EDA: variants seen among roughly 807,000 people sequenced by gnomAD.
The protein encoded by EDA is ectodysplasin-A.
Under a neutral mutation model 23.6 loss-of-function variants are expected in EDA, and 2 were observed. That is an observed-to-expected ratio of 0.08 (90% CI 0.03 to 0.27). The LOEUF is 0.27. Ranked by LOEUF, EDA falls within the 10% of genes least tolerant of loss-of-function variation. The pLI is 1.00. For missense variants in EDA, 229 were observed against 324.2 expected, an observed-to-expected ratio of 0.71 and a Z score of 2.26; for synonymous variants, 131 against 132.0, an observed-to-expected ratio of 0.99 and a Z score of 0.05.
chrX:69,764,234 CTTTTTTTTTT>C (rs1189179243), intron 1 of EDA, among the ~76,000 whole-genome samples: 1 of 44,570 alleles, frequency 2.2e-5, no homozygotes. Flanking sequence ...ATTTTTTATT[CTTTTTTTTTT>C]TTTTTTTTTT....
intron 1 of EDA, among the ~76,000 whole-genome samples, chrX:69,916,753 T>C (rs1282322456): frequency 1.8e-5 from 2 of 110,345 alleles, no homozygotes; most frequent in Non-Finnish European, 3.8e-5. Context: ...AGAAGCACTG[T>C]GTGAAAGTAC....
intron 1 of EDA, among the ~76,000 whole-genome samples, chrX:69,789,327 T>C (rs1378997275): frequency 8.9e-6 from 1 of 112,342 alleles, no homozygotes; most frequent in Non-Finnish European, 1.9e-5. Context: ...CCAGAAGAGA[T>C]GTTTTGTGAG....
chrX:69,970,142 A>G (rs1411205512), intron 2 of EDA, among the ~76,000 whole-genome samples: 1 of 112,277 alleles, frequency 8.9e-6, no homozygotes, highest in Non-Finnish European at 1.9e-5. Context: ...TTCAGTTGAT[A>G]TCAAGTTTCT....
At chrX:69,771,923 T>G (rs2014650585) in intron 1 of EDA, among the ~76,000 whole-genome samples, 1 of 112,132 alleles carries the variant, frequency 8.9e-6, no homozygotes, top group Non-Finnish European at 1.9e-5. Context: ...AGATTTTTCA[T>G]GAATTAGTGT....
At chrX:70,011,063 T>C (rs1454224205) in intron 2 of EDA, among the ~76,000 whole-genome samples, 1 of 111,846 alleles carries the variant, frequency 8.9e-6, no homozygotes, top group Non-Finnish European at 1.9e-5. Flanking sequence ...TTTTTTTGGC[T>C]TCCACTTTTT....
chrX:69,959,671 A>G (rs2019071195), intron 2 of EDA, among the ~76,000 whole-genome samples: 1 of 111,552 alleles, frequency 9.0e-6, no homozygotes, highest in Non-Finnish European at 1.9e-5. Flanking sequence ...AAAGTGATTT[A>G]CTTCCAGCAT....
At chrX:69,989,723 A>G (rs1569395323) in intron 2 of EDA, among the ~76,000 whole-genome samples, 1 of 111,314 alleles carries the variant, frequency 9.0e-6, no homozygotes, top group Non-Finnish European at 1.9e-5. Context: ...AATAACTGCA[A>G]TTTTAAAAGT....
intron 1 of EDA, among the ~76,000 whole-genome samples, chrX:69,806,848 T>C (rs2015826883): frequency 1.8e-5 from 2 of 110,010 alleles, no homozygotes; most frequent in Admixed American, 2.0e-4. Flanking sequence ...AAGAGTCAAG[T>C]ATAGCTGGAA....
intron 2 of EDA, among the ~76,000 whole-genome samples, chrX:70,010,553 T>G (rs2019861306): frequency 8.9e-6 from 1 of 112,062 alleles, no homozygotes; most frequent in African/African-American, 3.2e-5. Context: ...GTTTCTTCAT[T>G]CACTCTGGCA....
intron 2 of EDA, among the ~76,000 whole-genome samples, chrX:70,002,667 A>G (rs2147478569): frequency 8.9e-6 from 1 of 112,562 alleles, no homozygotes; most frequent in African/African-American, 3.2e-5. Flanking sequence ...AAGTTCTGCC[A>G]CTTACTAGCT....
intron 1 of EDA, among the ~76,000 whole-genome samples, chrX:69,704,508 AG>A: frequency 9.1e-6 from 1 of 109,615 alleles, no homozygotes; most frequent in Middle Eastern, 4.7e-3. Context: ...GAATTTCAAA[AG>A]GGGGGAGGGT....
At chrX:69,929,706 T>TTGTGTGTG (rs4007701) in intron 1 of EDA, among the ~76,000 whole-genome samples, 84 of 84,338 alleles carry the variant, frequency 1.0e-3, no homozygotes, top group African/African-American at 1.9e-3. Flanking sequence ...CATTCTATTT[T>TTGTGTGTG]TGTGTGTGTG....
At chrX:69,719,487 C>T (rs986022103) in intron 1 of EDA, among the ~76,000 whole-genome samples, 24 of 110,373 alleles carry the variant, frequency 2.2e-4, no homozygotes, top group African/African-American at 7.6e-4. Flanking sequence ...AATTTTTCAT[C>T]CCTTACCACT....
chrX:69,917,438 G>C (rs1403267200), intron 1 of EDA, among the ~76,000 whole-genome samples: 1 of 111,563 alleles, frequency 9.0e-6, no homozygotes, highest in Admixed American at 9.6e-5. Flanking sequence ...TTACATATTT[G>C]GTCTTATAGA....
intron 1 of EDA, among the ~76,000 whole-genome samples, chrX:69,785,462 G>A (rs1181468798): frequency 1.9e-5 from 2 of 106,044 alleles, no homozygotes; most frequent in African/African-American, 6.7e-5. Context: ...TTTGAGATAT[G>A]TCCCACCAAT....
chrX:69,660,272 G>T (rs1933443660), intron 1 of EDA, among the ~76,000 whole-genome samples: 1 of 110,934 alleles, frequency 9.0e-6, no homozygotes, highest in Non-Finnish European at 1.9e-5. Context: ...AGAGTTCTTT[G>T]TAGTTGATTG....
intron 1 of EDA, among the ~76,000 whole-genome samples, chrX:69,724,163 G>T (rs753671016): frequency 1.8e-5 from 2 of 111,691 alleles, no homozygotes; most frequent in Non-Finnish European, 3.8e-5. Flanking sequence ...ACTAGGTTTG[G>T]TTTGTTTATA....
intron 1 of EDA, among the ~76,000 whole-genome samples, chrX:69,718,059 A>G (rs900472590): frequency 1.8e-5 from 2 of 111,886 alleles, no homozygotes; most frequent in Non-Finnish European, 3.8e-5. Flanking sequence ...GAAGCCGTCA[A>G]CGTTTCCTAT....
intron 1 of EDA, among the ~76,000 whole-genome samples, chrX:69,826,654 A>G (rs1176879768): frequency 9.1e-6 from 1 of 109,469 alleles, no homozygotes; most frequent in Non-Finnish European, 1.9e-5. Context: ...TCTTTATCCA[A>G]TTTGCCAGTC....
Sources: gnomAD v4.1 joint callset for allele counts (sites outside exome capture counted in the v4.1 genomes callset) on GRCh38, gnomAD v4.1.1 for gene constraint, MANE v1.5 for transcripts, NCBI Gene and HGNC (gene_info 2026-07-23, HGNC 2026-07-21) for gene names.